Variants in TMED7 observed in about 807,000 individuals in gnomAD.
TMED7 encodes the protein transmembrane p24 trafficking protein 7, also known as transmembrane emp24 domain-containing protein 7.
A neutral mutation model predicts 23.4 loss-of-function variants in TMED7; 8 were observed. The ratio of observed to expected loss-of-function variants is 0.34; its 90% CI spans 0.20 to 0.62. The LOEUF (loss-of-function observed/expected upper bound fraction) is 0.62, where lower values mean the gene tolerates loss of function less well. Among genes scored for constraint, TMED7 ranks in the 20% least tolerant of loss-of-function variants. The probability of loss-of-function intolerance (pLI) is 0.77; values close to 1 mark genes in which losing one functional copy is unlikely to be tolerated. For synonymous variants in TMED7, 121 were observed against 108.5 expected (o/e 1.12, Z -0.72); for missense variants, 232 against 279.1 (o/e 0.83, Z 1.20).
intron 2 of TMED7, among the ~76,000 whole-genome samples, chr5:115,617,083 C>T (rs73782718): frequency 0.051 from 7,709 of 152,218 alleles, 597 homozygotes; most frequent in African/African-American, 0.17. Flanking sequence ...CAACAGGATG[C>T]AAGTTTCAGT....
In TMED7 at chr5:115,616,143, T is replaced by G; in HGVS notation, c.*66A>C. On this transcript the variant is annotated 3_prime_UTR_variant, in exon 3 of 3. Coordinates refer to ENST00000456936, the MANE Select transcript of TMED7 (RefSeq NM_181836.6). ...ATGTTGCCAATATTAAGTTCTTCAG[T>G]ACCTAAAATTAATTAGAGGACAGCA... 1 of 1,458,380 alleles carries G rather than the reference T, an allele frequency of 6.9e-7. No individual in the cohort carries two copies. The allele number at this position is 1,458,380 out of a possible 1,614,324, so 90.3% of individuals were successfully genotyped here. A position where few individuals can be genotyped will look rare whatever the true frequency, so the allele number is the denominator to read the frequency against.
intron 2 of TMED7, 117 bp downstream of exon 2, chr5:115,620,318 A>T (rs1756982064): frequency 7.7e-7 from 1 of 1,292,726 alleles, no homozygotes; most frequent in African/African-American, 1.5e-5. Flanking sequence ...ATTAAGATAG[A>T]TTTTAAAGAC....
chr5:115,618,604 A>T (rs1328259148), intron 2 of TMED7, among the ~76,000 whole-genome samples: 1 of 151,984 alleles, frequency 6.6e-6, no homozygotes, highest in African/African-American at 2.4e-5. Flanking sequence ...ATTTCTTGTA[A>T]ACTGGCATTT....
chr5:115,620,735 A>G (rs1402681450), intron 1 of TMED7, 55 bp from the exon 2 acceptor site: 3 of 1,332,932 alleles, frequency 2.3e-6, no homozygotes, highest in Non-Finnish European at 2.9e-6. Context: ...AATTAATCAG[A>G]TTTAATCAGA....
chr5:115,625,306 G>A (rs1163278239), intron 1 of TMED7, among the ~76,000 whole-genome samples: 1 of 152,302 alleles, frequency 6.6e-6, no homozygotes, highest in South Asian at 2.1e-4. Context: ...GAGTATAAAT[G>A]ATTTTCTTTA....
rs142040488 is a variant in TMED7 at position 115,623,541 on chromosome 5, T to G, written c.192+2060A>C. ...AAGCTAATAATAATAGTTTTGTGAC[T>G]ATTAATAAATATAACTATAGTCACA... is the stretch of plus-strand genomic sequence containing the variant. On this transcript the variant is annotated intron_variant, in intron 1 of 2. Transcript: ENST00000456936. Among the ~76,000 whole-genome samples the G allele has an allele frequency of 5.5e-3, 842 of 152,340 alleles. 4 individuals carry two copies. The highest frequency in any genetic ancestry group is 9.7e-3 in the Non-Finnish European group (663 of 68,022).
At position 115,625,849 on chromosome 5, in the gene TMED7, CG is replaced by C. The variant is rs1757197718; in HGVS notation, c.-58del. ...TGCGAGACGCAGGGTCAGGTCTGCG[CG>C]GACTCACCGCGCGCGGCAGGCCTCA... On this transcript the variant is annotated 5_prime_UTR_variant, in exon 1 of 3. Transcript: ENST00000456936. The C allele has an allele frequency of 7.4e-7, 1 of 1,344,396 alleles. No individual in the cohort carries two copies. 83.3% of individuals were successfully genotyped at this position (1,344,396 alleles called of 1,614,324 possible).
At chr5:115,623,695 G>A (rs967504189) in intron 1 of TMED7, among the ~76,000 whole-genome samples, 14 of 152,106 alleles carry the variant, frequency 9.2e-5, no homozygotes, top group Non-Finnish European at 1.5e-4. Flanking sequence ...CTCCTCTGCC[G>A]CCTTGTAGAG....
At chr5:115,623,289 T>TA (rs1757097069) in intron 1 of TMED7, among the ~76,000 whole-genome samples, 1 of 152,186 alleles carries the variant, frequency 6.6e-6, no homozygotes, top group African/African-American at 2.4e-5. Context: ...CAACCCAAAA[T>TA]AGAGTCCTGA....
At chr5:115,617,077 A>C (rs1346844271) in intron 2 of TMED7, among the ~76,000 whole-genome samples, 2 of 152,236 alleles carry the variant, frequency 1.3e-5, no homozygotes, top group Non-Finnish European at 2.9e-5. Context: ...TGTTCCCAAC[A>C]GGATGCAAGT....
intron 2 of TMED7, among the ~76,000 whole-genome samples, chr5:115,617,213 A>C (rs1047398922): frequency 1.3e-5 from 2 of 152,168 alleles, no homozygotes; most frequent in African/African-American, 2.4e-5. Flanking sequence ...CCATGGTTTA[A>C]TATTTTTCTA....
rs956685488 is a variant in TMED7 at position 115,620,683 on chromosome 5, G to T, written c.193-3C>A. 3 of 1,400,050 alleles carry T rather than the reference G, an allele frequency of 2.1e-6. No homozygotes were observed. The African/African-American group carries it at 4.5e-5, about 21-fold the overall frequency. The allele number at this position is 1,400,050 out of a possible 1,614,324, so 86.7% of individuals were successfully genotyped here. A position where few individuals can be genotyped will look rare whatever the true frequency, so the allele number is the denominator to read the frequency against. ...TCATAGTGACCACCAGTAATCACCT[G>T]TAAGAGATTAAAAAAGAAAAATCAC... On this transcript the variant is annotated splice_polypyrimidine_tract_variant and splice_region_variant and intron_variant, in intron 1 of 2. Coordinates refer to ENST00000456936, the MANE Select transcript of TMED7 (RefSeq NM_181836.6).
intron 1 of TMED7, among the ~76,000 whole-genome samples, chr5:115,622,496 G>A (rs148484830): frequency 2.6e-5 from 4 of 152,170 alleles, no homozygotes; most frequent in East Asian, 3.9e-4. Context: ...TCTCAACCTC[G>A]CATTATTCCC....
At chr5:115,624,260 T>G (rs1443562372) in intron 1 of TMED7, among the ~76,000 whole-genome samples, 1 of 152,186 alleles carries the variant, frequency 6.6e-6, no homozygotes, top group African/African-American at 2.4e-5. Context: ...TGAAGGTAAG[T>G]AAGCCTAAGG....
chr5:115,616,633 A>G, intron 2 of TMED7, 188 bp from the exon 3 acceptor site: 1 of 827,086 alleles, frequency 1.2e-6, no homozygotes, highest in Non-Finnish European at 1.8e-6. Context: ...CACTGGGACA[A>G]CTGTTAAGGC....
At chr5:115,621,902 A>G (rs1439009036) in intron 1 of TMED7, among the ~76,000 whole-genome samples, 4 of 152,176 alleles carry the variant, frequency 2.6e-5, no homozygotes, top group Non-Finnish European at 5.9e-5. Flanking sequence ...TAAAAGAAGG[A>G]TCTGTGTGAC....
chr5:115,615,040 A>G lies in TMED7; in HGVS notation c.*1169T>C, dbSNP rs1462075091. 6.6e-6 allele frequency: 1 copy of G among 152,110 alleles called. No individual in the cohort carries two copies. The highest frequency in any genetic ancestry group is 6.6e-5 in the Admixed American group (1 of 15,266). The allele number at this position is 152,110 out of a possible 1,614,324, so 9.4% of individuals were successfully genotyped here. A position where few individuals can be genotyped will look rare whatever the true frequency, so the allele number is the denominator to read the frequency against. On this transcript the variant is annotated 3_prime_UTR_variant, in exon 3 of 3. Coordinates refer to ENST00000456936, the MANE Select transcript of TMED7 (RefSeq NM_181836.6). ...TTATTTCAATCAGCTCAATCTATAC[A>G]AGTTATAAGATGCAACACAATGTAA... is the stretch of plus-strand genomic sequence containing the variant.
rs760148563 is a variant in TMED7 at position 115,620,538 on chromosome 5, T to C, written c.335A>G (p.Asn112Ser). The C allele has an allele frequency of 1.2e-6, 2 of 1,606,794 alleles. No individual in the cohort carries two copies. Among genetic ancestry groups the C allele is most frequent in the East Asian group, 2.2e-5 (1 of 44,522 alleles). ...TTTATGTGTGAAAGTAGAAAATTCA[T>C]TGCTGAAGCAAAATTTGTATGTCCC... is the stretch of plus-strand genomic sequence containing the variant. ...KNGTYKFCFS[N>S]EFSTFTHKTV... Residue 112 changes from asparagine to serine, a missense_variant, in exon 2 of 3, where the codon AAT becomes AGT. By Grantham distance (46) the Asn-to-Ser change is conservative. Around this residue, in one of 2 missense-constraint regions of TMED7, gnomAD observed 126 missense variants for 182.1 expected, o/e 0.69. Transcript: ENST00000456936.
chr5:115,625,561 G>A (rs1442615569), intron 1 of TMED7, 40 bp downstream of exon 1: 2 of 1,489,336 alleles, frequency 1.3e-6, no homozygotes, highest in South Asian at 1.3e-5. Flanking sequence ...CAATCCTGGA[G>A]CCGCGAGTTG....
Sources: allele counts gnomAD v4.1 joint callset (sites outside exome capture counted in the v4.1 genomes callset), GRCh38; gene constraint gnomAD v4.1.1; regional missense constraint gnomAD v4.1.1; transcripts MANE v1.5; gene names NCBI Gene and HGNC (gene_info 2026-07-23, HGNC 2026-07-21).